CACNA1E: variants seen among roughly 807,000 people sequenced by gnomAD.
CACNA1E encodes the protein voltage-dependent R-type calcium channel subunit alpha-1E.
CACNA1E carries 40 observed loss-of-function variants against 259.2 expected under a neutral mutation model. The observed-to-expected ratio is 0.15, with a 90% confidence interval of 0.12 to 0.20. The LOEUF is 0.20. CACNA1E is among the 10% of genes least tolerant of loss of function. The pLI, the probability that CACNA1E is intolerant of heterozygous loss-of-function variation, is 1.00. For missense variants in CACNA1E, 1,874 were observed against 3,040.1 expected (o/e 0.62, Z 9.02); for synonymous variants, 1,104 against 1,138.5 (o/e 0.97, Z 0.61).
At chr1:181,442,832 A>G (rs75535398) in intron 2 of CACNA1E, among the ~76,000 whole-genome samples, 1 of 152,148 alleles carries the variant, frequency 6.6e-6, no homozygotes, top group African/African-American at 2.4e-5. Context: ...GTTCCACCCC[A>G]TGGGAGAGAA....
At position 181,776,259 on chromosome 1, in the gene CACNA1E, G is replaced by T. The variant is rs1659965558; in HGVS notation, c.5267+31G>T. The T allele has an allele frequency of 1.9e-6, 3 of 1,612,566 alleles. No homozygotes were observed. The highest frequency in any genetic ancestry group is 1.7e-5 in the Admixed American group (1 of 60,002). On this transcript the variant is annotated intron_variant, in intron 38 of 47. Coordinates refer to ENST00000367573, the MANE Select transcript of CACNA1E (RefSeq NM_001205293.3). The surrounding 1 kb of genome is among the most constrained non-coding windows in gnomAD (Gnocchi z 4.4). The stretch of plus-strand genomic sequence containing the variant: ...TAGGCCCCTCGGCCGCCCCAGCGGG[G>T]CCCAGAGCAAAGGTCTCTGGAGTTC...
At chr1:181,678,018 G>T (rs1649551934) in intron 7 of CACNA1E, among the ~76,000 whole-genome samples, 1 of 152,202 alleles carries the variant, frequency 6.6e-6, no homozygotes, top group African/African-American at 2.4e-5. Flanking sequence ...TGGATGGAGG[G>T]GGCAGGATGA....
chr1:181,742,316 T>C (rs1032556074), intron 25 of CACNA1E, among the ~76,000 whole-genome samples: 5 of 152,198 alleles, frequency 3.3e-5, no homozygotes, highest in Admixed American at 1.3e-4. Context: ...ATATTCCTCA[T>C]GGTCAGGGGC....
At chr1:181,616,892 C>T (rs1179394381) in intron 6 of CACNA1E, among the ~76,000 whole-genome samples, 1 of 152,146 alleles carries the variant, frequency 6.6e-6, no homozygotes, top group East Asian at 1.9e-4. Context: ...CTTCTTGTGT[C>T]AATTACTGTA....
intron 6 of CACNA1E, among the ~76,000 whole-genome samples, chr1:181,624,801 G>T (rs1025719839): frequency 1.3e-5 from 2 of 152,106 alleles, no homozygotes; most frequent in African/African-American, 2.4e-5. Context: ...ATCTAGAATG[G>T]TGAATCCTAT....
chr1:181,745,216 G>A (rs932975752), intron 25 of CACNA1E: 1 of 294,880 alleles, frequency 3.4e-6, no homozygotes, highest in Non-Finnish European at 6.7e-6. Context: ...TTTAGTGAAC[G>A]CTGGAAAATG....
At chr1:181,335,428 C>T (rs569987295) in intron 1 of CACNA1E, among the ~76,000 whole-genome samples, 9 of 152,320 alleles carry the variant, frequency 5.9e-5, no homozygotes, top group Middle Eastern at 3.4e-3. Flanking sequence ...AAGAAAGAGA[C>T]CTGTTTTTCT....
chr1:181,406,413 T>G (rs1657465962), intron 1 of CACNA1E, among the ~76,000 whole-genome samples: 1 of 152,168 alleles, frequency 6.6e-6, no homozygotes, highest in South Asian at 2.1e-4. Context: ...TTTTCTTTTT[T>G]TGAGATGGAG....
intron 1 of CACNA1E, among the ~76,000 whole-genome samples, chr1:181,493,991 C>T (rs571165494): frequency 2.0e-5 from 3 of 152,376 alleles, no homozygotes; most frequent in East Asian, 1.9e-4. Flanking sequence ...CCTGAAGGCA[C>T]CATCCTCTTC....
intron 40 of CACNA1E, among the ~76,000 whole-genome samples, chr1:181,784,405 A>G (rs1660690527): frequency 6.6e-6 from 1 of 152,164 alleles, no homozygotes; most frequent in African/African-American, 2.4e-5. Flanking sequence ...TTTAGAACGA[A>G]TGAGGAAGTT....
intron 3 of CACNA1E, among the ~76,000 whole-genome samples, chr1:181,564,678 C>G (rs1649645162): frequency 1.3e-5 from 2 of 152,110 alleles, no homozygotes; most frequent in South Asian, 4.1e-4. Flanking sequence ...TGACTGTGAC[C>G]AGATCCATCA....
At chr1:181,756,873 C>A (rs946911575) in intron 29 of CACNA1E, 52 bp from the exon 30 acceptor site, 18 of 1,219,272 alleles carry the variant, frequency 1.5e-5, no homozygotes, top group Non-Finnish European at 2.1e-5. Flanking sequence ...CATTTCCTAA[C>A]GAAGCCAAGA....
At chr1:181,577,971 C>T (rs1048697769) in intron 4 of CACNA1E, 102 bp downstream of exon 4, 2 of 693,418 alleles carry the variant, frequency 2.9e-6, no homozygotes, top group Non-Finnish European at 5.0e-6. Flanking sequence ...CAATATTCCT[C>T]CTGGGAGGAA....
At chr1:181,583,483 A>AGT (rs1286274425) in intron 6 of CACNA1E, among the ~76,000 whole-genome samples, 4 of 152,184 alleles carry the variant, frequency 2.6e-5, no homozygotes, top group African/African-American at 7.2e-5. Flanking sequence ...AGTTACATCC[A>AGT]AACCAGTAGG....
intron 6 of CACNA1E, among the ~76,000 whole-genome samples, chr1:181,648,819 A>G (rs1658511962): frequency 1.3e-5 from 2 of 152,194 alleles, no homozygotes; most frequent in Non-Finnish European, 2.9e-5. Flanking sequence ...ATACCTGCTA[A>G]TGTTTGTTGG....
chr1:181,339,628 C>T (rs1237811227), intron 1 of CACNA1E, among the ~76,000 whole-genome samples: 1 of 151,330 alleles, frequency 6.6e-6, no homozygotes, highest in African/African-American at 2.4e-5. Flanking sequence ...TACCTATTTC[C>T]TTGCCTCCCT....
In CACNA1E at chr1:181,805,582, T is replaced by C. The variant is rs952956816; in HGVS notation, c.*6748T>C. On this transcript the variant is annotated 3_prime_UTR_variant, in exon 48 of 48. Coordinates refer to ENST00000367573, the MANE Select transcript of CACNA1E (RefSeq NM_001205293.3). ...TAGTAAAAACATAGGTATTGAGTTT[T>C]AATGGCTACCAATTGGGATATATAC... The C allele has an allele frequency of 1.3e-5, 2 of 152,230 alleles. No individual in the cohort carries two copies. Among genetic ancestry groups the C allele is most frequent in the African/African-American group, 2.4e-5 (1 of 41,454 alleles). 9.4% of individuals were successfully genotyped at this position (152,230 alleles called of 1,614,324 possible).
intron 2 of CACNA1E, among the ~76,000 whole-genome samples, chr1:181,455,712 C>T (rs1661421395): frequency 6.6e-6 from 1 of 152,210 alleles, no homozygotes; most frequent in African/African-American, 2.4e-5. Flanking sequence ...AACTCAGCTC[C>T]AGTTCTGACT....
rs186310778 is a variant in CACNA1E at position 181,487,273 on chromosome 1, C to A, written c.266+3263C>A. 9.5e-4 allele frequency among the ~76,000 whole-genome samples: 144 copies of A among 152,260 alleles called. 1 individual carries two copies. Among genetic ancestry groups the A allele is most frequent in the South Asian group, 2.1e-3 (10 of 4,830 alleles). ...ATTACTGGTCTTTAATCATGTTTGT[C>A]TGAAAAGATTGGTTAAGTAAAAGGA... On this transcript the variant is annotated intron_variant, in intron 1 of 47. Transcript: ENST00000367573.
Sources: gnomAD v4.1 joint callset for allele counts (sites outside exome capture counted in the v4.1 genomes callset) on GRCh38, gnomAD v4.1.1 for gene constraint, Gnocchi (gnomAD v3.1) non-coding constraint, MANE v1.5 for transcripts, NCBI Gene and HGNC (gene_info 2026-07-23, HGNC 2026-07-21) for gene names.